CBFA2T3: variants seen among roughly 807,000 people sequenced by gnomAD.
CBFA2T3 encodes CBFA2/RUNX1 partner transcriptional co-repressor 3.
Under a neutral mutation model 58.6 loss-of-function variants are expected in CBFA2T3, and 31 were observed. The ratio of observed to expected loss-of-function variants is 0.53; its 90% CI spans 0.40 to 0.71. CBFA2T3 has a LOEUF of 0.71. Among genes scored for constraint, CBFA2T3 ranks in the 30% least tolerant of loss-of-function variants. The pLI is 0.00. For missense variants in CBFA2T3, 1,076 were observed against 963.1 expected (o/e 1.12, Z -1.55); for synonymous variants, 531 against 421.9 (o/e 1.26, Z -3.17).
At chr16:88,941,724 C>G (rs1971742206) in intron 1 of CBFA2T3, 1 of 149,708 alleles carries the variant, frequency 6.7e-6, no homozygotes, top group East Asian at 2.0e-4. Context: ...GGGGGCGGCC[C>G]CCGCCTGCGC....
chr16:88,892,591 T>C, intron 3 of CBFA2T3, 106 bp from the exon 4 acceptor site: 3 of 1,291,786 alleles, frequency 2.3e-6, no homozygotes, highest in South Asian at 2.4e-5. Context: ...ATGTCAAAAG[T>C]GACGGCAACA....
At chr16:88,910,633 G>T (rs1048551824) in intron 1 of CBFA2T3, among the ~76,000 whole-genome samples, 4 of 152,228 alleles carry the variant, frequency 2.6e-5, no homozygotes, top group African/African-American at 7.2e-5. Context: ...GCAGTGCAGG[G>T]CGGCCCTCGC....
At chr16:88,960,742 C>T (rs542192725) in intron 1 of CBFA2T3, among the ~76,000 whole-genome samples, 7 of 152,258 alleles carry the variant, frequency 4.6e-5, no homozygotes, top group South Asian at 2.1e-4. Context: ...CTGGGCCACC[C>T]GCCTCTGGGT....
intron 1 of CBFA2T3, among the ~76,000 whole-genome samples, chr16:88,961,488 A>G (rs1266076556): frequency 6.8e-6 from 1 of 147,772 alleles, no homozygotes; most frequent in Non-Finnish European, 1.5e-5. Context: ...TTCCCACTCC[A>G]TAGTAACCGA....
chr16:88,920,215 G>C (rs1036615430), intron 1 of CBFA2T3, among the ~76,000 whole-genome samples: 3 of 152,218 alleles, frequency 2.0e-5, no homozygotes, highest in African/African-American at 7.2e-5. Flanking sequence ...ACAGTCGCTG[G>C]AGCCCCAACT....
intron 1 of CBFA2T3, among the ~76,000 whole-genome samples, chr16:88,913,702 G>A (rs976074111): frequency 2.6e-5 from 4 of 152,176 alleles, no homozygotes; most frequent in Non-Finnish European, 5.9e-5. Context: ...CAGGACATGT[G>A]CACAAACAGT....
At chr16:88,915,111 C>A (rs1289793520) in intron 1 of CBFA2T3, among the ~76,000 whole-genome samples, 3 of 150,654 alleles carry the variant, frequency 2.0e-5, no homozygotes, top group African/African-American at 7.3e-5. Context: ...TCCATGCCCC[C>A]AAGCCACCAA....
In CBFA2T3 at chr16:88,958,700, G is replaced by A. The variant is rs1972291936; in HGVS notation, c.151+17957C>T. Among the ~76,000 whole-genome samples, 1 of 152,118 alleles carries A rather than the reference G, an allele frequency of 6.6e-6. No homozygotes were observed. Among genetic ancestry groups the A allele is most frequent in the South Asian group, 2.1e-4 (1 of 4,830 alleles). ...GCTCCCCCAGGGCCGGGGGCTGGGG[G>A]CCTCGGTGTGGCCTTTGGAAGGAGA... On this transcript the variant is annotated intron_variant, in intron 1 of 11. Transcript: ENST00000268679. The surrounding 1 kb of genome is among the most constrained non-coding windows in gnomAD (Gnocchi z 4.0).
chr16:88,959,978 G>A (rs916001357), intron 1 of CBFA2T3, among the ~76,000 whole-genome samples: 5 of 152,140 alleles, frequency 3.3e-5, no homozygotes, highest in African/African-American at 7.2e-5. Context: ...GCAGTGAGCC[G>A]AGATTGCACC....
At position 88,875,229 on chromosome 16, in the gene CBFA2T3, C is replaced by T; in HGVS notation, c.*1747G>A. The T allele has an allele frequency of 4.3e-6, 1 of 232,986 alleles. No individual in the cohort carries two copies. The highest frequency in any genetic ancestry group is 8.5e-6 in the Non-Finnish European group (1 of 117,712). The allele number at this position is 232,986 out of a possible 1,614,324, so 14.4% of individuals were successfully genotyped here. A position where few individuals can be genotyped will look rare whatever the true frequency, so the allele number is the denominator to read the frequency against. On this transcript the variant is annotated 3_prime_UTR_variant, in exon 12 of 12. Coordinates refer to ENST00000268679, the MANE Select transcript of CBFA2T3 (RefSeq NM_005187.6). ...CCACGCCACACGCACAGATGCCAGGCTGCGGGCCGTGCCTGCTGTCTGTCC... is the reference window on the plus strand; with the variant it reads ...CCACGCCACACGCACAGATGCCAGGTTGCGGGCCGTGCCTGCTGTCTGTCC...
chr16:88,951,186 C>A (rs1174807994), intron 1 of CBFA2T3: 1 of 383,634 alleles, frequency 2.6e-6, no homozygotes, highest in Admixed American at 2.6e-5. Context: ...GTGTTGGCAC[C>A]TGTCTTCCGG....
rs74893576 is a variant in CBFA2T3 at position 88,887,683 on chromosome 16, C to T, written c.712-1541G>A. The stretch of plus-strand genomic sequence containing the variant: ...GGACTGTGGGAACCTCCGGCAGTGC[C>T]TCCTTCAAGGCAGTGTCCCCACTCT... On this transcript the variant is annotated intron_variant, in intron 5 of 11. Coordinates refer to ENST00000268679, the MANE Select transcript of CBFA2T3 (RefSeq NM_005187.6). 1.3e-3 allele frequency among the ~76,000 whole-genome samples: 195 copies of T among 152,282 alleles called. 3 individuals are homozygous for T. The highest frequency in any genetic ancestry group is 4.6e-3 in the African/African-American group (192 of 41,550).
At chr16:88,893,223 C>A (rs1969722002) in intron 3 of CBFA2T3, among the ~76,000 whole-genome samples, 1 of 148,362 alleles carries the variant, frequency 6.7e-6, no homozygotes, top group African/African-American at 2.5e-5. Flanking sequence ...CAATGTGCCT[C>A]CCCACACACA....
chr16:88,931,984 TG>T (rs375817355), intron 1 of CBFA2T3, among the ~76,000 whole-genome samples: 43 of 152,202 alleles, frequency 2.8e-4, no homozygotes, highest in African/African-American at 1.0e-3. Context: ...TCATAGGTCA[TG>T]CTTCCTCCTG....
chr16:88,924,798 T>C (rs1055698632), intron 1 of CBFA2T3, among the ~76,000 whole-genome samples: 3 of 152,060 alleles, frequency 2.0e-5, no homozygotes, highest in East Asian at 3.9e-4. Context: ...AAACCACCTG[T>C]TGAATTTAGA....
Position 88,948,967 on chromosome 16 carries a change from T to C in CBFA2T3, c.151+27690A>G, listed in dbSNP as rs1263549766. ...GGATTGAGGTGGCATTTAAAATCCC[T>C]GGAGAAGCACAAACTCCCCAGTAGA... On this transcript the variant is annotated intron_variant, in intron 1 of 11. Coordinates refer to ENST00000268679, the MANE Select transcript of CBFA2T3 (RefSeq NM_005187.6). 2.0e-5 allele frequency among the ~76,000 whole-genome samples: 3 copies of C among 152,328 alleles called. No homozygotes were observed. In the East Asian group the frequency reaches 5.8e-4, roughly 29 times the overall value.
intron 3 of CBFA2T3, among the ~76,000 whole-genome samples, 167 bp from the exon 4 acceptor site, chr16:88,892,652 G>A (rs1969690574): frequency 6.6e-6 from 1 of 152,168 alleles, no homozygotes; most frequent in South Asian, 2.1e-4. Context: ...GGAGCCCTGG[G>A]CCCGCCCAGG....
intron 1 of CBFA2T3, among the ~76,000 whole-genome samples, chr16:88,925,821 G>C (rs773331937): frequency 1.3e-5 from 2 of 152,210 alleles, no homozygotes; most frequent in African/African-American, 4.8e-5. Context: ...TCCAGGCTGC[G>C]GCATAGGGAG....
chr16:88,926,173 G>A (rs756370490), intron 1 of CBFA2T3, among the ~76,000 whole-genome samples: 3 of 152,206 alleles, frequency 2.0e-5, no homozygotes, highest in Admixed American at 2.0e-4. Context: ...GAGCAGAGCC[G>A]CAGCCGGGGG....
Sources: gnomAD v4.1 joint callset for allele counts (sites outside exome capture counted in the v4.1 genomes callset) on GRCh38, gnomAD v4.1.1 for gene constraint, Gnocchi (gnomAD v3.1) non-coding constraint, MANE v1.5 for transcripts, NCBI Gene and HGNC (gene_info 2026-07-23, HGNC 2026-07-21) for gene names.